The following FAM135B variants were observed in gnomAD, a reference collection of about 807,000 sequenced individuals.
FAM135B encodes the protein protein FAM135B.
In FAM135B, 43 loss-of-function variants were observed where a neutral mutation model predicts 127.7. That is an observed-to-expected ratio of 0.34 (90% CI 0.26 to 0.43). FAM135B has a LOEUF of 0.43. FAM135B is among the 20% of genes least tolerant of loss of function. The pLI is 1.00. For synonymous variants in FAM135B, 670 were observed against 665.1 expected, an observed-to-expected ratio of 1.01 and a Z score of -0.11; for missense variants, 1,558 against 1,725.6, an observed-to-expected ratio of 0.90 and a Z score of 1.72.
At chr8:138,159,317 C>T (rs146611543) in intron 12 of FAM135B, among the ~76,000 whole-genome samples, 5 of 143,092 alleles carry the variant, frequency 3.5e-5, no homozygotes, top group African/African-American at 1.3e-4. Context: ...ATGTTTATTG[C>T]GGCACTATTC....
intron 2 of FAM135B, among the ~76,000 whole-genome samples, chr8:138,363,264 G>T (rs1388073392): frequency 6.6e-6 from 1 of 152,142 alleles, no homozygotes; most frequent in Non-Finnish European, 1.5e-5. Flanking sequence ...GTTGGCATCT[G>T]CTAGATACAA....
At chr8:138,217,608 T>C (rs918221663) in intron 7 of FAM135B, among the ~76,000 whole-genome samples, 13 of 152,054 alleles carry the variant, frequency 8.5e-5, no homozygotes, top group African/African-American at 3.1e-4. Context: ...TTTTTTTGTA[T>C]TTTTAGTAGA....
chr8:138,342,676 C>T (rs1829136236), intron 2 of FAM135B, among the ~76,000 whole-genome samples: 1 of 152,184 alleles, frequency 6.6e-6, no homozygotes, highest in African/African-American at 2.4e-5. Context: ...GGAGAAGGGA[C>T]ATGAAGAAGA....
intron 2 of FAM135B, among the ~76,000 whole-genome samples, chr8:138,349,594 G>A (rs149335554): frequency 5.1e-4 from 77 of 152,118 alleles, no homozygotes; most frequent in African/African-American, 1.8e-3. Flanking sequence ...TTTGACATAC[G>A]GCTGGCCACA....
chr8:138,137,809 G>C (rs1236696665), intron 18 of FAM135B, among the ~76,000 whole-genome samples: 2 of 152,062 alleles, frequency 1.3e-5, no homozygotes, highest in African/African-American at 4.8e-5. Flanking sequence ...CAGACAGAGG[G>C]ACCCTTCAAA....
intron 1 of FAM135B, among the ~76,000 whole-genome samples, chr8:138,403,809 T>A (rs1334800976): frequency 6.6e-6 from 1 of 152,210 alleles, no homozygotes; most frequent in East Asian, 1.9e-4. Context: ...TCTAAGCTGT[T>A]CATTGGTATG....
At chr8:138,144,701 G>A (rs1817511985) in intron 15 of FAM135B, among the ~76,000 whole-genome samples, 1 of 151,796 alleles carries the variant, frequency 6.6e-6, no homozygotes. Context: ...TAACAACAAT[G>A]AGTGCATAAT....
chr8:138,480,884 C>G (rs927688434), intron 1 of FAM135B, among the ~76,000 whole-genome samples: 1 of 152,212 alleles, frequency 6.6e-6, no homozygotes, highest in Admixed American at 6.5e-5. Flanking sequence ...ACTCAACTCT[C>G]TGAGCTTCAG....
At chr8:138,153,518 A>C (rs1028610274) in intron 12 of FAM135B, among the ~76,000 whole-genome samples, 1 of 152,224 alleles carries the variant, frequency 6.6e-6, no homozygotes, top group Non-Finnish European at 1.5e-5. Context: ...GCAAGGGGTC[A>C]GGGCATTCCC....
intron 1 of FAM135B, among the ~76,000 whole-genome samples, chr8:138,393,844 C>T (rs774874457): frequency 1.3e-5 from 2 of 152,144 alleles, no homozygotes; most frequent in Admixed American, 6.5e-5. Context: ...TAAGACAGAA[C>T]AAACATTCTG....
chr8:138,372,084 C>T (rs1338543794), intron 1 of FAM135B, among the ~76,000 whole-genome samples: 1 of 152,224 alleles, frequency 6.6e-6, no homozygotes, highest in East Asian at 1.9e-4. Context: ...CCTGGGAAGG[C>T]TGGCTTCTGA....
Position 138,152,699 on chromosome 8 carries a change from T to G in FAM135B, c.1776A>C (p.Leu592=). 1 of 1,614,190 alleles carries G rather than the reference T, an allele frequency of 6.2e-7. No individual in the cohort carries two copies. The highest frequency in any genetic ancestry group is 8.5e-7 in the Non-Finnish European group (1 of 1,180,030). Residue 592 remains leucine (L), a synonymous_variant, in exon 13 of 20, where the codon CTA becomes CTC. Transcript: ENST00000395297. ...GGCTTCCACCTACTACCACTTTGCT[T>G]AGCCCAGTCCTGTCTAATCCATACT... ...RDKYGLDRTG[L]SKVVVGGSHQ...
At chr8:138,229,873 C>T (rs1330673581) in intron 7 of FAM135B, among the ~76,000 whole-genome samples, 1 of 151,830 alleles carries the variant, frequency 6.6e-6, no homozygotes, top group Non-Finnish European at 1.5e-5. Flanking sequence ...AGCACTCACT[C>T]ACTATCACAA....
rs957454929 is a variant in FAM135B, at chr8:138,241,998, T to C, written c.669+944A>G. Among the ~76,000 whole-genome samples the C allele has an allele frequency of 2.6e-5, 4 of 152,142 alleles. No homozygotes were observed. The highest frequency in any genetic ancestry group is 1.3e-4 in the Admixed American group (2 of 15,268). ...ATCAGTTTTCTCCTGCCTTTGGACTTAGACTTGCAAGGGGCCTTATAACAC... is the reference window on the plus strand; with the variant it reads ...ATCAGTTTTCTCCTGCCTTTGGACTCAGACTTGCAAGGGGCCTTATAACAC... On this transcript the variant is annotated intron_variant, in intron 7 of 19. Coordinates refer to ENST00000395297, the MANE Select transcript of FAM135B (RefSeq NM_015912.4). This position sits in a 1 kb window ranked among gnomAD's most constrained non-coding sequence, Gnocchi z 4.8.
chr8:138,206,541 A>G (rs1817648390), intron 7 of FAM135B, among the ~76,000 whole-genome samples: 1 of 151,344 alleles, frequency 6.6e-6, no homozygotes, highest in Non-Finnish European at 1.5e-5. Flanking sequence ...ATCTACACAC[A>G]ACTCCAGCAT....
chr8:138,242,321 G>T lies in FAM135B; in HGVS notation c.669+621C>A, dbSNP rs1820871933. ...TAAAAACATAGCATATACTGGCTTG[G>T]GAGAAATATGAGCAGAATCATACCC... On this transcript the variant is annotated intron_variant, in intron 7 of 19. Transcript: ENST00000395297. The surrounding 1 kb of genome is among the most constrained non-coding windows in gnomAD (Gnocchi z 9.6). Among the ~76,000 whole-genome samples, 1 of 151,724 alleles carries T rather than the reference G, an allele frequency of 6.6e-6. No individual in the cohort carries two copies. Among genetic ancestry groups the T allele is most frequent in the Non-Finnish European group, 1.5e-5 (1 of 67,980 alleles).
At position 138,151,518 on chromosome 8, in the gene FAM135B, C is replaced by T. The variant is rs1818143558; in HGVS notation, c.2957G>A (p.Cys986Tyr). The change falls in exon 13 of 20, where the codon TGC becomes TAC. Residue 986 changes from cysteine (C) to tyrosine (Y), a missense_variant. Physicochemically the swap from Cys to Tyr is radical, Grantham distance 194. Coordinates refer to ENST00000395297, the MANE Select transcript of FAM135B (RefSeq NM_015912.4). ...PEAKHKAGTV[C>Y]PTVTHSVHSQ... ...ATGAACGGAATGGGTCACAGTGGGG[C>T]ACACAGTGCCTGCTTTATGTTTAGC... 1.2e-6 allele frequency: 2 copies of T among 1,614,084 alleles called. No individual in the cohort carries two copies. The highest frequency in any genetic ancestry group is 1.3e-5 in the African/African-American group (1 of 74,940).
At chr8:138,179,102 C>A (rs1814759364) in intron 9 of FAM135B, among the ~76,000 whole-genome samples, 2 of 152,080 alleles carry the variant, frequency 1.3e-5, no homozygotes, top group South Asian at 4.2e-4. Flanking sequence ...CCTGGATATC[C>A]CCTTTCAACT....
At chr8:138,227,296 T>C (rs900772908) in intron 7 of FAM135B, among the ~76,000 whole-genome samples, 1 of 152,206 alleles carries the variant, frequency 6.6e-6, no homozygotes, top group Non-Finnish European at 1.5e-5. Context: ...AGTCAGCTAT[T>C]TGGGAGTGGT....
Sources: gnomAD v4.1 joint callset for allele counts (sites outside exome capture counted in the v4.1 genomes callset) on GRCh38, gnomAD v4.1.1 for gene constraint, Gnocchi (gnomAD v3.1) non-coding constraint, MANE v1.5 for transcripts, NCBI Gene and HGNC (gene_info 2026-07-23, HGNC 2026-07-21) for gene names.